ACTR10: variants seen among roughly 807,000 people sequenced by gnomAD.
The protein encoded by ACTR10 is actin-related protein 10.
In ACTR10, 43 loss-of-function variants were observed where a neutral mutation model predicts 56.2. That is an observed-to-expected ratio of 0.77 (90% CI 0.60 to 0.99). The LOEUF (loss-of-function observed/expected upper bound fraction) is 0.99. ACTR10 is among the 50% of genes least tolerant of loss of function. ACTR10 has a pLI of 0.00. For synonymous variants in ACTR10, 170 were observed against 176.3 expected (o/e 0.96, Z 0.28); for missense variants, 466 against 507.8 (o/e 0.92, Z 0.79).
At chr14:58,224,245 G>A (rs913305256) in intron 10 of ACTR10, among the ~76,000 whole-genome samples, 10 of 151,416 alleles carry the variant, frequency 6.6e-5, no homozygotes, top group South Asian at 2.1e-4. Context: ...CAGGTGATCC[G>A]CCTACCTTGG....
rs58412717 is a variant in ACTR10 at position 58,222,764 on chromosome 14, GAAAAA to G, written c.635-839_635-835del. On this transcript the variant is annotated intron_variant, in intron 8 of 12. Coordinates refer to ENST00000254286, the MANE Select transcript of ACTR10 (RefSeq NM_018477.3). ...TGGGCAATAGAGTGAGACTCTGTCAGAAAAAAAAAAAAAAAAAAAAAAATTGGCGT... is the reference window on the plus strand; with the variant it reads ...TGGGCAATAGAGTGAGACTCTGTCAGAAAAAAAAAAAAAAAAAATTGGCGT... Among the ~76,000 whole-genome samples the G allele has an allele frequency of 3.9e-5, 3 of 76,336 alleles. No homozygotes were observed. In the Admixed American group the frequency reaches 4.6e-4, roughly 12 times the overall value. 50.1% of individuals were successfully genotyped at this position (76,336 alleles called of 152,430 possible).
At chr14:58,221,296 A>C (rs190817291) in intron 8 of ACTR10, among the ~76,000 whole-genome samples, 13 of 150,124 alleles carry the variant, frequency 8.7e-5, no homozygotes, top group Non-Finnish European at 1.9e-4. Context: ...AAAAAAAAAA[A>C]AAAAAAATAT....
chr14:58,208,541 T>C (rs1187072897), intron 3 of ACTR10, among the ~76,000 whole-genome samples: 2 of 151,898 alleles, frequency 1.3e-5, no homozygotes, highest in Non-Finnish European at 2.9e-5. Flanking sequence ...GAGCATATAT[T>C]ACTATTGTAA....
chr14:58,208,268 C>G (rs74550561), intron 3 of ACTR10, among the ~76,000 whole-genome samples: 3 of 152,024 alleles, frequency 2.0e-5, no homozygotes, highest in African/African-American at 7.2e-5. Context: ...TACATTCATA[C>G]AGTGAAATAC....
chr14:58,202,514 G>A (rs11623859), intron 1 of ACTR10, among the ~76,000 whole-genome samples: 37,859 of 151,370 alleles, frequency 0.25, 5,588 homozygotes, highest in East Asian at 0.62. Context: ...AACCCGGGAG[G>A]CGGAGCTTGC....
intron 1 of ACTR10, among the ~76,000 whole-genome samples, chr14:58,202,377 C>G (rs968949669): frequency 3.3e-5 from 5 of 150,420 alleles, no homozygotes; most frequent in African/African-American, 4.9e-5. Context: ...GTCAGGAGAT[C>G]GAGACTATCC....
chr14:58,217,338 C>A (rs964743033), intron 7 of ACTR10, among the ~76,000 whole-genome samples: 2 of 152,062 alleles, frequency 1.3e-5, no homozygotes, highest in African/African-American at 4.8e-5. Context: ...TCAAATCATA[C>A]AAATATTTGC....
chr14:58,232,227 T>A lies in ACTR10; in HGVS notation c.1032T>A (p.His344Gln). Residue 344 changes from histidine (H) to glutamine (Q), a missense_variant, in exon 12 of 13, where the codon CAT becomes CAA. Physicochemically the swap from His to Gln is conservative, Grantham distance 24 (BLOSUM62 0). Coordinates refer to ENST00000254286, the MANE Select transcript of ACTR10 (RefSeq NM_018477.3). The part of the protein sequence containing the change: ...KALGTKTFRI[H>Q]TPPAKANCVA... ...TTGGCACTAAGACATTTCGAATTCA[T>A]ACTCCACCTGCAAAAGCTAATTGTG... 6.2e-7 allele frequency: 1 copy of A among 1,613,742 alleles called. No homozygotes were observed. The highest frequency in any genetic ancestry group is 8.5e-7 in the Non-Finnish European group (1 of 1,179,868).
chr14:58,209,849 T>G (rs1888952436), intron 4 of ACTR10, among the ~76,000 whole-genome samples: 1 of 152,218 alleles, frequency 6.6e-6, no homozygotes, highest in Non-Finnish European at 1.5e-5. Flanking sequence ...TAAGCACATA[T>G]AAATGTATTT....
chr14:58,226,695 G>A (rs1042504287), intron 10 of ACTR10, among the ~76,000 whole-genome samples: 18 of 152,134 alleles, frequency 1.2e-4, no homozygotes, highest in African/African-American at 4.3e-4. Flanking sequence ...CCACCTCCCG[G>A]GTTCAAGCAA....
intron 11 of ACTR10, among the ~76,000 whole-genome samples, chr14:58,231,735 T>A (rs1889539614): frequency 6.6e-6 from 1 of 152,224 alleles, no homozygotes; most frequent in South Asian, 2.1e-4. Context: ...CTTCTCATGC[T>A]CTTTGCCCTA....
At chr14:58,223,924 T>A in intron 10 of ACTR10, 68 bp downstream of exon 10, 1 of 1,189,522 alleles carries the variant, frequency 8.4e-7, no homozygotes, top group Non-Finnish European at 1.2e-6. Flanking sequence ...AAAATATTTG[T>A]ATGAGCCTTT....
chr14:58,223,929 G>C (rs1461247035), intron 10 of ACTR10, 73 bp downstream of exon 10: 2 of 1,171,116 alleles, frequency 1.7e-6, no homozygotes, highest in African/African-American at 1.6e-5. Flanking sequence ...ATTTGTATGA[G>C]CCTTTATTTC....
At chr14:58,213,731 ACCTGT>A in intron 6 of ACTR10, 33 bp downstream of exon 6, 2 of 1,538,026 alleles carry the variant, frequency 1.3e-6, no homozygotes, top group Admixed American at 3.4e-5. Context: ...TATTCATTTC[ACCTGT>A]GCCACAAAAA....
chr14:58,208,118 AAT>A, intron 3 of ACTR10, 100 bp downstream of exon 3: 1 of 1,043,188 alleles, frequency 9.6e-7, no homozygotes, highest in Non-Finnish European at 1.3e-6. Context: ...AAAAAAAAAA[AAT>A]GGACTTCTAT....
chr14:58,204,468 T>G (rs1192963924), intron 2 of ACTR10, among the ~76,000 whole-genome samples: 1 of 151,798 alleles, frequency 6.6e-6, no homozygotes, highest in Non-Finnish European at 1.5e-5. Context: ...GGAGGATCAC[T>G]TGAGCCCAGG....
chr14:58,211,422 A>G, intron 5 of ACTR10, 23 bp downstream of exon 5: 1 of 1,554,256 alleles, frequency 6.4e-7, no homozygotes, highest in Non-Finnish European at 8.9e-7. Flanking sequence ...TCAGCCAGCC[A>G]CCTTTGCAGT....
At chr14:58,205,001 A>G (rs1387012124) in intron 2 of ACTR10, among the ~76,000 whole-genome samples, 1 of 152,084 alleles carries the variant, frequency 6.6e-6, no homozygotes, top group African/African-American at 2.4e-5. Context: ...CAGGTGGATC[A>G]CCTGAGGTCA....
chr14:58,232,931 C>T (rs984086306), intron 12 of ACTR10, among the ~76,000 whole-genome samples: 11 of 148,300 alleles, frequency 7.4e-5, no homozygotes, highest in Non-Finnish European at 8.9e-5. Flanking sequence ...AGTGCTATAG[C>T]GTGATCCCAG....
Sources: allele counts gnomAD v4.1 joint callset (sites outside exome capture counted in the v4.1 genomes callset), GRCh38; gene constraint gnomAD v4.1.1; transcripts MANE v1.5; gene names NCBI Gene and HGNC (gene_info 2026-07-23, HGNC 2026-07-21).